The following TLN2 variants were observed in gnomAD, a reference collection of about 807,000 sequenced individuals.
TLN2 encodes talin-2.
In TLN2, 118 loss-of-function variants were observed where a neutral mutation model predicts 294.7. The observed-to-expected ratio is 0.40, with a 90% CI of 0.34 to 0.47. The LOEUF (loss-of-function observed/expected upper bound fraction) is 0.47, where lower values mean the gene tolerates loss of function less well. Ranked by LOEUF, TLN2 falls within the 20% of genes least tolerant of loss-of-function variation. The pLI, the probability that TLN2 is intolerant of heterozygous loss-of-function variation, is 0.84. For missense variants in TLN2, 3,083 were observed against 3,282.2 expected (o/e 0.94, Z 1.48); for synonymous variants, 1,431 against 1,304.5 (o/e 1.10, Z -2.09).
At chr15:62,640,689 C>T (rs2050962713) in intron 3 of TLN2, among the ~76,000 whole-genome samples, 1 of 152,198 alleles carries the variant, frequency 6.6e-6, no homozygotes, top group Admixed American at 6.5e-5. Context: ...AGCTGCTTCG[C>T]ACACACACTC....
intron 1 of TLN2, among the ~76,000 whole-genome samples, chr15:62,481,815 T>A (rs1246394586): frequency 1.4e-4 from 21 of 146,114 alleles, no homozygotes; most frequent in Non-Finnish European, 2.9e-4. Context: ...TTTTTTTTTT[T>A]AAGACGGAGT....
Position 62,460,939 on chromosome 15 carries a change from G to GTTTAT in TLN2, c.-238+70273_-238+70277dup, listed in dbSNP as rs572415222. Among the ~76,000 whole-genome samples the GTTTAT allele has an allele frequency of 5.9e-3, 893 of 151,770 alleles. 5 individuals are homozygous for GTTTAT. The highest frequency in any genetic ancestry group is 8.7e-3 in the Non-Finnish European group (589 of 67,930). On this transcript the variant is annotated intron_variant, in intron 1 of 58. Coordinates refer to ENST00000636159, the MANE Select transcript of TLN2 (RefSeq NM_015059.3). ...CTTAGTTTTGCTTGTGTGTGTGTGT[G>GTTTAT]TTTATTTTATTTTATTTTATTTTTA...
chr15:62,608,955 G>A (rs1028651401), intron 2 of TLN2, among the ~76,000 whole-genome samples: 1 of 152,016 alleles, frequency 6.6e-6, no homozygotes, highest in Non-Finnish European at 1.5e-5. Flanking sequence ...GTAATAGGAG[G>A]TCTGTTTGGG....
At chr15:62,771,182 T>A in intron 42 of TLN2, 48 bp downstream of exon 42, 1 of 1,529,598 alleles carries the variant, frequency 6.5e-7, no homozygotes, top group South Asian at 1.3e-5. Flanking sequence ...TAAGAAGCCA[T>A]CATGCATTCC....
rs1454614128 is a variant in TLN2, at chr15:62,842,199, T to G, written c.*1589T>G. Reference sequence around the variant, plus strand: ...AGTTACTTATAAGTGCTGCACGTATTAGAATTTTTTTTTTTCAGACCAGTA... The same window carrying G: ...AGTTACTTATAAGTGCTGCACGTATGAGAATTTTTTTTTTTCAGACCAGTA... On this transcript the variant is annotated 3_prime_UTR_variant, in exon 59 of 59. Coordinates refer to ENST00000636159, the MANE Select transcript of TLN2 (RefSeq NM_015059.3). 4 of 151,072 alleles carry G rather than the reference T, an allele frequency of 2.6e-5. No homozygotes were observed. Among genetic ancestry groups the G allele is most frequent in the African/African-American group, 9.9e-5 (4 of 40,442 alleles). The allele number at this position is 151,072 out of a possible 1,614,324, so 9.4% of individuals were successfully genotyped here. A position where few individuals can be genotyped will look rare whatever the true frequency, so the allele number is the denominator to read the frequency against.
chr15:62,421,295 C>G (rs2034375409), intron 1 of TLN2, among the ~76,000 whole-genome samples: 1 of 152,112 alleles, frequency 6.6e-6, no homozygotes, highest in African/African-American at 2.4e-5. Flanking sequence ...TTTGGCCTTC[C>G]CAAGTGCTGA....
intron 34 of TLN2, among the ~76,000 whole-genome samples, chr15:62,751,969 C>G (rs761354342): frequency 6.6e-6 from 1 of 152,134 alleles, no homozygotes; most frequent in South Asian, 2.1e-4. Context: ...ACCTACAGCT[C>G]GATGCATATG....
At chr15:62,469,260 T>C (rs2037330246) in intron 1 of TLN2, among the ~76,000 whole-genome samples, 1 of 152,226 alleles carries the variant, frequency 6.6e-6, no homozygotes. Context: ...CATTTCTGTC[T>C]GTTCATGAGC....
chr15:62,439,474 G>A (rs1001503018), intron 1 of TLN2, among the ~76,000 whole-genome samples: 2 of 152,050 alleles, frequency 1.3e-5, no homozygotes, highest in Non-Finnish European at 2.9e-5. Flanking sequence ...CACCACGCCC[G>A]GCTAATTTTT....
In TLN2 at chr15:62,800,473, C is replaced by G. The variant is rs1184086549; in HGVS notation, c.6340C>G (p.Gln2114Glu). Residue 2114 changes from glutamine to glutamate, a missense_variant, in exon 49 of 59, where the codon CAG becomes GAG. Physicochemically the swap from Gln to Glu is conservative, Grantham distance 29 (BLOSUM62 2). Transcript: ENST00000636159. ...GCCAGTGGACGACCCTTCCATGTAC[C>G]AGCTCAAGGGGGCTGCCAAGGTAGA... ...SKPVDDPSMY[Q>E]LKGAAKVMVT... The G allele has an allele frequency of 6.2e-7, 1 of 1,614,074 alleles. No individual in the cohort carries two copies. Among genetic ancestry groups the G allele is most frequent in the African/African-American group, 1.3e-5 (1 of 74,922 alleles).
At chr15:62,817,264 A>G (rs911240186) in intron 52 of TLN2, among the ~76,000 whole-genome samples, 5 of 152,318 alleles carry the variant, frequency 3.3e-5, no homozygotes, top group South Asian at 4.1e-4. Flanking sequence ...CTAGGAAGCC[A>G]TCATAGTAGG....
intron 1 of TLN2, among the ~76,000 whole-genome samples, chr15:62,436,165 T>C (rs1481396505): frequency 6.6e-6 from 1 of 152,228 alleles, no homozygotes; most frequent in East Asian, 1.9e-4. Flanking sequence ...GTTGTCTGCC[T>C]CATCATTTAT....
chr15:62,667,066 G>C (rs541107136), intron 9 of TLN2, among the ~76,000 whole-genome samples: 30 of 152,084 alleles, frequency 2.0e-4, no homozygotes, highest in Non-Finnish European at 3.7e-4. Context: ...CCCGGATTCA[G>C]GCCGTTCTCC....
intron 44 of TLN2, among the ~76,000 whole-genome samples, chr15:62,781,984 G>T (rs1042166583): frequency 2.6e-5 from 4 of 152,220 alleles, no homozygotes; most frequent in Non-Finnish European, 5.9e-5. Flanking sequence ...ATTGATAGGA[G>T]TCCATAGAAA....
rs758650990 is a variant in TLN2, at chr15:62,738,332, C to T, written c.3686C>T (p.Ser1229Leu). 20 of 1,613,690 alleles carry T rather than the reference C, an allele frequency of 1.2e-5. No homozygotes were observed. In the East Asian group the frequency reaches 2.2e-4, roughly 18 times the overall value. ...TCCAGCAAGAAGCTGCTTGTGGATT[C>T]GGTGAGAGGTTCTTAGATTGAGAAA... ...GESSKKLLVD[S>L]LPPSTKPFQE... The change falls in exon 30 of 59, where the codon TCG (serine) becomes TTG (leucine). Residue 1229 changes from serine to leucine, a missense_variant and splice_region_variant. Coordinates refer to ENST00000636159, the MANE Select transcript of TLN2 (RefSeq NM_015059.3).
intron 1 of TLN2, among the ~76,000 whole-genome samples, chr15:62,481,551 A>C (rs1002657773): frequency 6.6e-6 from 1 of 151,932 alleles, no homozygotes; most frequent in Non-Finnish European, 1.5e-5. Flanking sequence ...TTGTAGATAC[A>C]GGGTCACACC....
chr15:62,420,405 T>A (rs138920819), intron 1 of TLN2, among the ~76,000 whole-genome samples: 52 of 149,472 alleles, frequency 3.5e-4, no homozygotes, highest in African/African-American at 1.2e-3. Context: ...CCTGCTGTAT[T>A]TTTTTTTTTG....
intron 21 of TLN2, among the ~76,000 whole-genome samples, chr15:62,710,702 A>T (rs2059368461): frequency 7.1e-6 from 1 of 140,694 alleles, no homozygotes; most frequent in African/African-American, 2.6e-5. Flanking sequence ...AGATTTCATC[A>T]GTTTTTCTGC....
At chr15:62,434,940 A>G (rs1051093799) in intron 1 of TLN2, among the ~76,000 whole-genome samples, 1 of 151,954 alleles carries the variant, frequency 6.6e-6, no homozygotes, top group Non-Finnish European at 1.5e-5. Context: ...CCAGACCCCA[A>G]AGTGTGTTGT....
Sources: gnomAD v4.1 joint callset for allele counts (sites outside exome capture counted in the v4.1 genomes callset) on GRCh38, gnomAD v4.1.1 for gene constraint, MANE v1.5 for transcripts, NCBI Gene and HGNC (gene_info 2026-07-23, HGNC 2026-07-21) for gene names.